The following GOLGA2 variants were observed in gnomAD, a reference collection of about 807,000 sequenced individuals.
GOLGA2 encodes the protein golgin subfamily A member 2.
Under a neutral mutation model 148.8 loss-of-function variants are expected in GOLGA2, and 49 were observed. That is an observed-to-expected ratio of 0.33 (90% confidence interval 0.26 to 0.42). The LOEUF (loss-of-function observed/expected upper bound fraction) is 0.42, where lower values mean the gene tolerates loss of function less well. GOLGA2 is among the 10% of genes least tolerant of loss of function. GOLGA2 has a pLI of 1.00. For missense variants in GOLGA2, 1,178 were observed against 1,304.6 expected, an observed-to-expected ratio of 0.90 and a Z score of 1.49; for synonymous variants, 501 against 511.8, an observed-to-expected ratio of 0.98 and a Z score of 0.28.
In GOLGA2 at chr9:128,258,591, G is replaced by A. The variant is rs921681870; in HGVS notation, c.2174-21C>T. ...ATCTCCTATGGGGGTGGCCAGAGGG[G>A]TCATCAGACAACCCAACAAGGGTAC... is the stretch of plus-strand genomic sequence containing the variant. On this transcript the variant is annotated intron_variant, in intron 21 of 26. Transcript: ENST00000611957. This position sits in a 1 kb window ranked among gnomAD's most constrained non-coding sequence, Gnocchi z 6.6. The A allele has an allele frequency of 6.5e-7, 1 of 1,535,146 alleles. No homozygotes were observed. The highest frequency in any genetic ancestry group is 1.2e-5 in the South Asian group (1 of 82,904).
intron 3 of GOLGA2, among the ~76,000 whole-genome samples, chr9:128,270,129 ATTTTTT>A (rs776425049): frequency 2.6e-5 from 3 of 115,146 alleles, no homozygotes; most frequent in African/African-American, 7.3e-5. Context: ...GAGGAAGGGA[ATTTTTT>A]TTTTTTTTTT....
At chr9:128,275,501 G>A in intron 1 of GOLGA2, 1 of 1,310,106 alleles carries the variant, frequency 7.6e-7, no homozygotes. Flanking sequence ...CAGGAGGTGA[G>A]GGTCGAGTCT....
rs1829835419 is a variant in GOLGA2 at position 128,255,980 on chromosome 9, C to T, written c.*1087G>A. 1 of 152,712 alleles carries T rather than the reference C, an allele frequency of 6.5e-6. No individual in the cohort carries two copies. The highest frequency in any genetic ancestry group is 2.4e-5 in the African/African-American group (1 of 41,430). The allele number at this position is 152,712 out of a possible 1,614,324, so 9.5% of individuals were successfully genotyped here. A position where few individuals can be genotyped will look rare whatever the true frequency, so the allele number is the denominator to read the frequency against. The stretch of plus-strand genomic sequence containing the variant: ...CCAAATAATTATTAGAACCTCCTCC[C>T]CATGTGCCAGCTCCAACCTCTGCTA... On this transcript the variant is annotated 3_prime_UTR_variant, in exon 27 of 27. Transcript: ENST00000611957.
intron 1 of GOLGA2, chr9:128,275,387 C>A: frequency 7.8e-7 from 1 of 1,282,766 alleles, no homozygotes; most frequent in African/African-American, 1.5e-5. Context: ...ATCAGCGCGA[C>A]GTCCAAGTCG....
chr9:128,260,308 C>G lies in GOLGA2; in HGVS notation c.1759-119G>C, dbSNP rs535370019. ...GTGGAGGCAGGTTAGAAAAATCATC[C>G]CCTCTCCCCCACAGCCATCGGAGCA... is the stretch of plus-strand genomic sequence containing the variant. On this transcript the variant is annotated intron_variant, in intron 18 of 26. Coordinates refer to ENST00000611957, the MANE Select transcript of GOLGA2 (RefSeq NM_001366244.2). The surrounding 1 kb of genome is among the most constrained non-coding windows in gnomAD (Gnocchi z 4.8). The G allele has an allele frequency of 9.0e-7, 1 of 1,114,020 alleles. No individual in the cohort carries two copies. Among genetic ancestry groups the G allele is most frequent in the African/African-American group, 1.5e-5 (1 of 65,702 alleles). The allele number at this position is 1,114,020 out of a possible 1,614,324, so 69.0% of individuals were successfully genotyped here. A position where few individuals can be genotyped will look rare whatever the true frequency, so the allele number is the denominator to read the frequency against.
At position 128,255,932 on chromosome 9, in the gene GOLGA2, A is replaced by T. The variant is rs192574314; in HGVS notation, c.*1135T>A. 3.9e-5 allele frequency: 6 copies of T among 152,786 alleles called. No homozygotes were observed. The highest frequency in any genetic ancestry group is 1.4e-4 in the African/African-American group (6 of 41,564). 9.5% of individuals were successfully genotyped at this position (152,786 alleles called of 1,614,324 possible). Reference sequence around the variant, plus strand: ...CCGCCTCCTTCCTCTGTCCTATGCTATCAATAAATAAGTTTCCCAGCCCCA... The same window carrying T: ...CCGCCTCCTTCCTCTGTCCTATGCTTTCAATAAATAAGTTTCCCAGCCCCA... On this transcript the variant is annotated 3_prime_UTR_variant, in exon 27 of 27. Transcript: ENST00000611957.
intron 19 of GOLGA2, 131 bp downstream of exon 19, chr9:128,259,945 C>T: frequency 1.4e-6 from 1 of 708,354 alleles, no homozygotes; most frequent in African/African-American, 1.7e-5. Flanking sequence ...GAGCAAGAAA[C>T]AGTCACAGGA....
chr9:128,268,270 G>T, intron 4 of GOLGA2, 110 bp from the exon 5 acceptor site: 2 of 1,188,430 alleles, frequency 1.7e-6, no homozygotes, highest in Non-Finnish European at 2.5e-6. Flanking sequence ...ATCTCCCCAG[G>T]CCTCAAGGAA....
intron 1 of GOLGA2, among the ~76,000 whole-genome samples, 176 bp downstream of exon 1, chr9:128,275,717 G>T (rs1419588687): frequency 1.3e-5 from 2 of 152,188 alleles, no homozygotes; most frequent in Non-Finnish European, 2.9e-5. Context: ...GCGAGGGCGG[G>T]GGCTGGGCGG....
Position 128,275,944 on chromosome 9 carries a change from G to T in GOLGA2, c.33C>A (p.Pro11=). ...TCTGTCGGGTTTCTTCCGACATCGC[G>T]GGGCGGGGAGGGAGGCGGGGTTGGG... MWPQPRLPPR[P]AMSEETRQSK... is the part of the protein sequence containing the mutation. Residue 11 remains proline, a synonymous_variant, in exon 1 of 27, where the codon CCC becomes CCA. Transcript: ENST00000611957. 1 of 1,594,886 alleles carries T rather than the reference G, an allele frequency of 6.3e-7. No individual in the cohort carries two copies. Among genetic ancestry groups the T allele is most frequent in the Non-Finnish European group, 8.5e-7 (1 of 1,172,116 alleles).
chr9:128,261,099 T>C lies in GOLGA2; in HGVS notation c.1420+73A>G. 2 of 1,014,290 alleles carry C rather than the reference T, an allele frequency of 2.0e-6. No individual in the cohort carries two copies. The highest frequency in any genetic ancestry group is 2.6e-5 in the South Asian group (2 of 78,008). 62.8% of individuals were successfully genotyped at this position (1,014,290 alleles called of 1,614,324 possible). A position where few individuals can be genotyped will look rare whatever the true frequency, so the allele number is the denominator to read the frequency against. On this transcript the variant is annotated intron_variant, in intron 17 of 26. Transcript: ENST00000611957. This position sits in a 1 kb window ranked among gnomAD's most constrained non-coding sequence, Gnocchi z 5.7. ...AAGCCATTCCATCCACCCAACTCCC[T>C]GGGGCATTCTAAACCACCCCCACAA...
chr9:128,275,909 G>A lies in GOLGA2; in HGVS notation c.68C>T (p.Ala23Val), dbSNP rs1265438027. ...GCACTTTACCTTTTTCTTCGCTGCG[G>A]CCAATTTGCTCTGTCGGGTTTCTTC... ...MSEETRQSKL[A>V]AAKKKLREYQ... The change falls in exon 1 of 27, where the codon GCC becomes GTC. Residue 23 changes from alanine to valine, a missense_variant. Transcript: ENST00000611957. 1.3e-6 allele frequency: 2 copies of A among 1,578,596 alleles called. No individual in the cohort carries two copies. The highest frequency in any genetic ancestry group is 1.1e-5 in the South Asian group (1 of 88,614).
rs1244074633 is a variant in GOLGA2, at chr9:128,259,390, A to G, written c.1874T>C (p.Val625Ala). ...QEKLSELKET[V>A]ELKSQEAQSL... is the part of the protein sequence containing the mutation. ...TTGAGCCTCTTGGCTCTTCAGCTCC[A>G]CCTGTAGGAAGACCCTGGGCGTGAG... The change falls in exon 20 of 27, where the codon GTG becomes GCG. Residue 625 changes from valine to alanine, a missense_variant and splice_region_variant. By Grantham distance (64) the Val-to-Ala change is moderately conservative. Around this residue, in one of 5 missense-constraint regions of GOLGA2, gnomAD observed 529 missense variants for 521.8 expected, o/e 1.01. Transcript: ENST00000611957. The G allele has an allele frequency of 1.9e-6, 3 of 1,570,378 alleles. No individual in the cohort carries two copies. The highest frequency in any genetic ancestry group is 2.3e-5 in the East Asian group (1 of 43,294).
chr9:128,273,072 G>T (rs1432777866), intron 2 of GOLGA2, among the ~76,000 whole-genome samples: 1 of 152,202 alleles, frequency 6.6e-6, no homozygotes, highest in Non-Finnish European at 1.5e-5. Context: ...AGATGGAAAA[G>T]TCCCCTGAAC....
chr9:128,273,976 TG>T lies in GOLGA2; in HGVS notation c.85-5del, dbSNP rs773974895. 1.2e-6 allele frequency: 2 copies of T among 1,611,094 alleles called. No homozygotes were observed. Among genetic ancestry groups the T allele is most frequent in the South Asian group, 2.2e-5 (2 of 90,784 alleles). ...TCCTCTGCTGATATTCTCTCAACTG[TG>T]GAAAAGAAGAGCAATAATATTCATG... On this transcript the variant is annotated splice_polypyrimidine_tract_variant and splice_region_variant and intron_variant, in intron 1 of 26. Transcript: ENST00000611957.
Position 128,258,982 on chromosome 9 carries a change from T to A in GOLGA2, c.2173+25A>T, listed in dbSNP as rs1397327047. 3 of 1,454,748 alleles carry A rather than the reference T, an allele frequency of 2.1e-6. No homozygotes were observed. The Admixed American group carries it at 5.0e-5, about 24-fold the overall frequency. The allele number at this position is 1,454,748 out of a possible 1,614,324, so 90.1% of individuals were successfully genotyped here. A position where few individuals can be genotyped will look rare whatever the true frequency, so the allele number is the denominator to read the frequency against. ...CCCCCTTCTTCCTGGGGCTCTCTCC[T>A]CTTCCTGTGAGCAGGTTCCCGTACC... On this transcript the variant is annotated intron_variant, in intron 21 of 26. Coordinates refer to ENST00000611957, the MANE Select transcript of GOLGA2 (RefSeq NM_001366244.2). This position sits in a 1 kb window ranked among gnomAD's most constrained non-coding sequence, Gnocchi z 6.6.
intron 3 of GOLGA2, among the ~76,000 whole-genome samples, chr9:128,269,285 G>GA (rs111280709): frequency 0.05 from 7,144 of 144,034 alleles, 570 homozygotes; most frequent in African/African-American, 0.17. Context: ...TTTTCAGGGG[G>GA]AAAAAAAAAA....
Position 128,268,146 on chromosome 9 carries a change from G to C in GOLGA2, c.408C>G (p.Asp136Glu). Residue 136 changes from aspartate (D) to glutamate (E), a missense_variant, in exon 5 of 27, where the codon GAC becomes GAG. This residue lies in a region of GOLGA2 where 304 missense variants were observed against 404.1 expected (regional missense o/e 0.75). Transcript: ENST00000611957. ...SMAASQNHDA[D>E]NVPNLMDETK... ...TTTCATCCATGAGATTAGGGACATT[G>C]TCAGCATCATGATTCTGTTTGGGAA... 1 of 1,613,326 alleles carries C rather than the reference G, an allele frequency of 6.2e-7. No individual in the cohort carries two copies. Among genetic ancestry groups the C allele is most frequent in the Non-Finnish European group, 8.5e-7 (1 of 1,179,282 alleles).
Position 128,257,947 on chromosome 9 carries a change from C to A in GOLGA2, c.2508+33G>T, listed in dbSNP as rs550589551. ...GGCAGCGACCTGCCCCGCCCCCACC[C>A]TTCTTGACCCATGCCAGGAGAGACT... On this transcript the variant is annotated intron_variant, in intron 23 of 26. Transcript: ENST00000611957. The surrounding 1 kb of genome is among the most constrained non-coding windows in gnomAD (Gnocchi z 8.0). 1.2e-4 allele frequency: 192 copies of A among 1,604,348 alleles called. No homozygotes were observed. Among genetic ancestry groups the A allele is most frequent in the Middle Eastern group, 6.6e-4 (4 of 6,042 alleles).
Sources: gnomAD v4.1 joint callset for allele counts (sites outside exome capture counted in the v4.1 genomes callset) on GRCh38, gnomAD v4.1.1 for gene constraint, gnomAD v4.1.1 regional missense constraint, Gnocchi (gnomAD v3.1) non-coding constraint, MANE v1.5 for transcripts, NCBI Gene and HGNC (gene_info 2026-07-23, HGNC 2026-07-21) for gene names.